Variants in NCK2 observed in about 807,000 individuals in gnomAD.
NCK2 encodes NCK adaptor protein 2, also known as cytoplasmic protein NCK2.
NCK2 carries 16 observed loss-of-function variants against 33.9 expected under a neutral mutation model. The observed-to-expected ratio is 0.47, with a 90% CI of 0.32 to 0.72. The LOEUF (loss-of-function observed/expected upper bound fraction) is 0.72. Ranked by LOEUF, NCK2 falls within the 30% of genes least tolerant of loss-of-function variation. NCK2 has a pLI of 0.03. For missense variants in NCK2, 418 were observed against 537.3 expected, an observed-to-expected ratio of 0.78 and a Z score of 2.19; for synonymous variants, 273 against 239.9, an observed-to-expected ratio of 1.14 and a Z score of -1.27.
chr2:105,854,217 T>C (rs927728183), intron 2 of NCK2, among the ~76,000 whole-genome samples: 2 of 152,208 alleles, frequency 1.3e-5, no homozygotes, highest in African/African-American at 2.4e-5. Context: ...TAATATTTCA[T>C]TGTCTGGATA....
chr2:105,877,377 G>A (rs1025771119), intron 3 of NCK2, among the ~76,000 whole-genome samples: 1 of 152,204 alleles, frequency 6.6e-6, no homozygotes, highest in African/African-American at 2.4e-5. Context: ...GGCAGGATCA[G>A]GGTGCAGGGA....
At chr2:105,869,095 TC>T (rs1032923316) in intron 3 of NCK2, among the ~76,000 whole-genome samples, 9 of 152,274 alleles carry the variant, frequency 5.9e-5, no homozygotes, top group Middle Eastern at 6.8e-3. Context: ...ACGGGGCTCC[TC>T]TCATAGACCC....
chr2:105,779,906 G>A (rs187262390), intron 1 of NCK2, among the ~76,000 whole-genome samples: 86 of 152,154 alleles, frequency 5.7e-4, no homozygotes, highest in African/African-American at 1.8e-3. Context: ...CTACGAGACC[G>A]CCTTCACCCT....
At chr2:105,789,551 T>C (rs1450021594) in intron 1 of NCK2, among the ~76,000 whole-genome samples, 1 of 152,208 alleles carries the variant, frequency 6.6e-6, no homozygotes, top group Non-Finnish European at 1.5e-5. Context: ...GAGAGTTCTT[T>C]CTAGTTGAAG....
At chr2:105,769,489 G>A (rs906649034) in intron 1 of NCK2, among the ~76,000 whole-genome samples, 7 of 152,192 alleles carry the variant, frequency 4.6e-5, no homozygotes, top group Non-Finnish European at 4.4e-5. Flanking sequence ...GATACAAAAT[G>A]TTTAAATGTA....
At chr2:105,799,203 A>G (rs1691182958) in intron 1 of NCK2, among the ~76,000 whole-genome samples, 1 of 151,896 alleles carries the variant, frequency 6.6e-6, no homozygotes, top group African/African-American at 2.4e-5. Flanking sequence ...CATGTAAGAA[A>G]ATTTTTTATG....
At chr2:105,821,147 C>T (rs1292760659) in intron 2 of NCK2, among the ~76,000 whole-genome samples, 1 of 152,158 alleles carries the variant, frequency 6.6e-6, no homozygotes, top group Non-Finnish European at 1.5e-5. Context: ...ACAATTTTTC[C>T]TAGGGTGTGT....
rs532443450 is a variant in NCK2, at chr2:105,881,971, G to C, written c.870G>C (p.Val290=). ...GCAGAGAGTGGTACTACGGGAACGTGACGCGGCACCAGGCCGAGTGCGCCC... is the reference window on the plus strand; with the variant it reads ...GCAGAGAGTGGTACTACGGGAACGTCACGCGGCACCAGGCCGAGTGCGCCC... ...FAGREWYYGN[V]TRHQAECALN... The change falls in exon 4 of 5, where the codon GTG becomes GTC. Residue 290 remains valine (V), a synonymous_variant. Transcript: ENST00000233154. 5.9e-5 allele frequency: 90 copies of C among 1,527,680 alleles called. No homozygotes were observed. In the South Asian group the frequency reaches 7.7e-4, roughly 13 times the overall value. The allele number at this position is 1,527,680 out of a possible 1,614,324, so 94.6% of individuals were successfully genotyped here. A position where few individuals can be genotyped will look rare whatever the true frequency, so the allele number is the denominator to read the frequency against.
At chr2:105,880,725 A>G (rs1678435882) in intron 3 of NCK2, among the ~76,000 whole-genome samples, 1 of 152,110 alleles carries the variant, frequency 6.6e-6, no homozygotes, top group Non-Finnish European at 1.5e-5. Context: ...AAAAATGGTT[A>G]TTTCAGAAGG....
intron 1 of NCK2, among the ~76,000 whole-genome samples, chr2:105,774,286 G>C (rs565849840): frequency 6.6e-6 from 1 of 152,228 alleles, no homozygotes; most frequent in East Asian, 1.9e-4. Flanking sequence ...TGGGATTACA[G>C]GTGTGAGCCA....
At chr2:105,771,087 T>C (rs1690122026) in intron 1 of NCK2, among the ~76,000 whole-genome samples, 1 of 152,006 alleles carries the variant, frequency 6.6e-6, no homozygotes, top group South Asian at 2.1e-4. Context: ...CATGCCCAGC[T>C]ACTTTTTTGT....
At chr2:105,805,032 G>A (rs1342916810) in intron 1 of NCK2, among the ~76,000 whole-genome samples, 2 of 152,222 alleles carry the variant, frequency 1.3e-5, no homozygotes, top group Non-Finnish European at 2.9e-5. Flanking sequence ...AGCCTGCCAT[G>A]GGCCTCCCCA....
intron 1 of NCK2, among the ~76,000 whole-genome samples, chr2:105,768,092 C>T (rs993792076): frequency 1.3e-5 from 2 of 152,218 alleles, no homozygotes; most frequent in African/African-American, 4.8e-5. Flanking sequence ...CTCCCAGTAA[C>T]CACATGAAAA....
At chr2:105,783,348 T>C (rs780600174) in intron 1 of NCK2, among the ~76,000 whole-genome samples, 6 of 152,212 alleles carry the variant, frequency 3.9e-5, no homozygotes, top group Non-Finnish European at 7.4e-5. Context: ...GAGACTTCCC[T>C]GAGCTTCCTT....
intron 1 of NCK2, among the ~76,000 whole-genome samples, chr2:105,810,780 T>C (rs1558848391): frequency 6.6e-6 from 1 of 152,190 alleles, no homozygotes; most frequent in Non-Finnish European, 1.5e-5. Context: ...GAAAACCCTT[T>C]ACAAACCTTG....
chr2:105,862,063 C>G (rs931093680), intron 3 of NCK2, among the ~76,000 whole-genome samples: 6 of 152,056 alleles, frequency 3.9e-5, no homozygotes, highest in Non-Finnish European at 8.8e-5. Flanking sequence ...ACTAAAGGCC[C>G]TTTAGTTAGG....
At chr2:105,876,384 A>G (rs1238406265) in intron 3 of NCK2, among the ~76,000 whole-genome samples, 1 of 152,226 alleles carries the variant, frequency 6.6e-6, no homozygotes, top group Non-Finnish European at 1.5e-5. Flanking sequence ...CACCTACCTC[A>G]CGTCTCCCTG....
At chr2:105,838,931 A>T (rs4851877) in intron 2 of NCK2, among the ~76,000 whole-genome samples, 1 of 152,142 alleles carries the variant, frequency 6.6e-6, no homozygotes, top group Non-Finnish European at 1.5e-5. Flanking sequence ...GTGTGAAGTA[A>T]TGGTAAGGGC....
intron 1 of NCK2, among the ~76,000 whole-genome samples, chr2:105,807,059 G>T (rs1295049038): frequency 6.6e-6 from 1 of 152,186 alleles, no homozygotes; most frequent in Non-Finnish European, 1.5e-5. Context: ...GTGATGTAAT[G>T]TGGAATGAAG....
Sources: gnomAD v4.1 joint callset for allele counts (sites outside exome capture counted in the v4.1 genomes callset) on GRCh38, gnomAD v4.1.1 for gene constraint, MANE v1.5 for transcripts, NCBI Gene and HGNC (gene_info 2026-07-23, HGNC 2026-07-21) for gene names.